ADGRA1: variants seen among roughly 807,000 people sequenced by gnomAD.
ADGRA1 encodes G-protein coupled receptor 123.
A neutral mutation model predicts 21.3 loss-of-function variants in ADGRA1; 12 were observed. The observed-to-expected ratio is 0.56, with a 90% CI of 0.36 to 0.91. The LOEUF is 0.91. ADGRA1 is among the 40% of genes least tolerant of loss of function. The pLI, the probability that ADGRA1 is intolerant of heterozygous loss-of-function variation, is 0.01. For synonymous variants in ADGRA1, 385 were observed against 368.8 expected (o/e 1.04, Z -0.50); for missense variants, 790 against 805.6 (o/e 0.98, Z 0.23).
chr10:133,111,173 C>CCA lies in ADGRA1; in HGVS notation c.401+8332_401+8333insAC, dbSNP rs1851987971. ...CTAATCCCACCAGACCACCTGCCCG[C>CCA]CGTGAGCACCTCCCTCCTAATCCCT... On this transcript the variant is annotated intron_variant, in intron 5 of 6. Coordinates refer to ENST00000392607, the MANE Select transcript of ADGRA1 (RefSeq NM_001083909.3). 4.1e-4 allele frequency among the ~76,000 whole-genome samples: 57 copies of CCA among 139,614 alleles called. 8 individuals are homozygous for CCA. Among genetic ancestry groups the CCA allele is most frequent in the Admixed American group, 8.3e-4 (12 of 14,484 alleles). The allele number at this position is 139,614 out of a possible 152,430, so 91.6% of individuals were successfully genotyped here. A position where few individuals can be genotyped will look rare whatever the true frequency, so the allele number is the denominator to read the frequency against.
intron 5 of ADGRA1, among the ~76,000 whole-genome samples, chr10:133,114,134 CT>C (rs1436913934): frequency 6.6e-6 from 1 of 152,198 alleles, no homozygotes; most frequent in Admixed American, 6.5e-5. Flanking sequence ...TTCTCCACCC[CT>C]GGGAACAGCA....
chr10:133,107,573 CT>C (rs1851915996), intron 5 of ADGRA1, among the ~76,000 whole-genome samples: 1 of 152,106 alleles, frequency 6.6e-6, no homozygotes, highest in South Asian at 2.1e-4. Context: ...TTTCAGGTTT[CT>C]TGTGGTATAA....
intron 2 of ADGRA1, chr10:133,093,256 A>C: frequency 6.3e-7 from 1 of 1,582,184 alleles, no homozygotes. Flanking sequence ...CTGCTGCAGA[A>C]AGGTTAAGTT....
chr10:133,128,686 C>T lies in ADGRA1; in HGVS notation c.858C>T (p.Val286=), dbSNP rs1212818140. ...AVSQGHFLDM[V]FSCLYGAFCV... is the part of the protein sequence containing the mutation. ...CACAGGGCCACTTCCTGGACATGGTCTTCAGCTGCCTGTACGGCGCCTTCT... is the reference window on the plus strand; with the variant it reads ...CACAGGGCCACTTCCTGGACATGGTTTTCAGCTGCCTGTACGGCGCCTTCT... Residue 286 remains valine (V), a synonymous_variant, in exon 7 of 7, where the codon GTC becomes GTT. Transcript: ENST00000392607. 1 of 1,611,736 alleles carries T rather than the reference C, an allele frequency of 6.2e-7. No individual in the cohort carries two copies. Among genetic ancestry groups the T allele is most frequent in the Non-Finnish European group, 8.5e-7 (1 of 1,179,584 alleles).
At chr10:133,113,202 GGTTATTTGAGGTCTGCGGGCCGCGTCA>G (rs1852095283) in intron 5 of ADGRA1, among the ~76,000 whole-genome samples, 1 of 67,912 alleles carries the variant, frequency 1.5e-5, no homozygotes, top group Non-Finnish European at 2.8e-5. Context: ...AAGCCGCGTC[GGTTATTTGAGGTCTGCGGGCCGCGTCA>G]GTTATTTGAG....
chr10:133,089,528 G>A (rs1026478135), intron 2 of ADGRA1, among the ~76,000 whole-genome samples: 1 of 152,196 alleles, frequency 6.6e-6, no homozygotes, highest in Admixed American at 6.5e-5. Context: ...TGCAGTTGCT[G>A]AATGTCTGGG....
intron 5 of ADGRA1, among the ~76,000 whole-genome samples, chr10:133,121,500 C>T (rs994806156): frequency 1.0e-4 from 15 of 144,996 alleles, no homozygotes; most frequent in East Asian, 2.1e-4. Context: ...TGCCAGTGTG[C>T]GTGTGTGCAA....
intron 2 of ADGRA1, chr10:133,095,605 G>A (rs1160156186): frequency 2.6e-6 from 4 of 1,555,020 alleles, no homozygotes; most frequent in Non-Finnish European, 1.7e-6. Context: ...TGGGGCAGGG[G>A]CCCTATTTCG....
chr10:133,124,888 AGCG>A (rs1371034547), intron 5 of ADGRA1, among the ~76,000 whole-genome samples: 4 of 152,100 alleles, frequency 2.6e-5, no homozygotes, highest in African/African-American at 7.2e-5. Context: ...GTGACTGCCC[AGCG>A]GCGGCGGCGA....
chr10:133,099,682 C>T (rs1315757091), intron 4 of ADGRA1, among the ~76,000 whole-genome samples: 7 of 152,198 alleles, frequency 4.6e-5, no homozygotes, highest in African/African-American at 7.2e-5. Context: ...AGGACCTGCC[C>T]GGAGCCTCTG....
chr10:133,103,600 GCA>G (rs1172574557), intron 5 of ADGRA1, among the ~76,000 whole-genome samples: 2 of 152,214 alleles, frequency 1.3e-5, no homozygotes, highest in Non-Finnish European at 2.9e-5. Flanking sequence ...GCCCATGATG[GCA>G]CAGACCTCCC....
chr10:133,128,501 G>A lies in ADGRA1; in HGVS notation c.673G>A (p.Glu225Lys), dbSNP rs759126441. 107 of 1,551,566 alleles carry A rather than the reference G, an allele frequency of 6.9e-5. No individual in the cohort carries two copies. In the South Asian group the frequency reaches 1.1e-3, roughly 16 times the overall value. The change falls in exon 7 of 7, where the codon GAG (glutamate) becomes AAG (lysine). Residue 225 changes from glutamate to lysine, a missense_variant. Coordinates refer to ENST00000392607, the MANE Select transcript of ADGRA1 (RefSeq NM_001083909.3). ...PEEQRRLATP[E>K]GGRGIRPGTP... ...GGAGCAGCGGCGGCTGGCGACACCC[G>A]AGGGCGGCCGTGGGATCCGGCCAGG...
chr10:133,119,855 T>C (rs532101145), intron 5 of ADGRA1, among the ~76,000 whole-genome samples: 8 of 152,340 alleles, frequency 5.3e-5, no homozygotes, highest in African/African-American at 1.9e-4. Context: ...TGTCAACAGA[T>C]GTGCTGTCAC....
At chr10:133,124,884 G>A (rs985601814) in intron 5 of ADGRA1, among the ~76,000 whole-genome samples, 2 of 152,344 alleles carry the variant, frequency 1.3e-5, no homozygotes, top group Non-Finnish European at 2.9e-5. Context: ...GGCGGTGACT[G>A]CCCAGCGGCG....
At position 133,130,686 on chromosome 10, in the gene ADGRA1, TGCACACACAC is replaced by T. The variant is rs1852499874; in HGVS notation, c.*1176_*1185del. 1 of 149,440 alleles carries T rather than the reference TGCACACACAC, an allele frequency of 6.7e-6. No individual in the cohort carries two copies. Among genetic ancestry groups the T allele is most frequent in the Admixed American group, 6.7e-5 (1 of 15,012 alleles). The allele number at this position is 149,440 out of a possible 1,614,324, so 9.3% of individuals were successfully genotyped here. A position where few individuals can be genotyped will look rare whatever the true frequency, so the allele number is the denominator to read the frequency against. On this transcript the variant is annotated 3_prime_UTR_variant, in exon 7 of 7. Transcript: ENST00000392607. ...CAAACACATGTGCATATCACACACA[TGCACACACAC>T]AAACACATGTGCATATCACACACGC... is the stretch of plus-strand genomic sequence containing the variant.
intron 2 of ADGRA1, among the ~76,000 whole-genome samples, chr10:133,095,193 C>A (rs901206325): frequency 3.3e-5 from 5 of 152,206 alleles, no homozygotes; most frequent in Admixed American, 3.3e-4. Context: ...CACCCCACGA[C>A]TGTTGCAGGA....
chr10:133,093,208 A>G, intron 2 of ADGRA1: 1 of 1,593,142 alleles, frequency 6.3e-7, no homozygotes, highest in Non-Finnish European at 8.5e-7. Flanking sequence ...GGCAGCTGGC[A>G]TTCCCCAGGT....
rs1475461310 is a variant in ADGRA1 at position 133,130,077 on chromosome 10, T to G, written c.*566T>G. 6.5e-6 allele frequency: 1 copy of G among 154,448 alleles called. No individual in the cohort carries two copies. The highest frequency in any genetic ancestry group is 1.9e-4 in the East Asian group (1 of 5,204). 9.6% of individuals were successfully genotyped at this position (154,448 alleles called of 1,614,324 possible). On this transcript the variant is annotated 3_prime_UTR_variant, in exon 7 of 7. Transcript: ENST00000392607. ...AGCATTCTCGCTCTGGGCAGAACCC[T>G]CGGGACCCTCCGCTGTCGTGTGTCT...
chr10:133,127,395 C>A, intron 6 of ADGRA1, 64 bp downstream of exon 6: 1 of 1,248,010 alleles, frequency 8.0e-7, no homozygotes. Flanking sequence ...TGAGGTCCCT[C>A]CCAGGCACCT....
Sources: gnomAD v4.1 joint callset for allele counts (sites outside exome capture counted in the v4.1 genomes callset) on GRCh38, gnomAD v4.1.1 for gene constraint, MANE v1.5 for transcripts, NCBI Gene and HGNC (gene_info 2026-07-23, HGNC 2026-07-21) for gene names.